Variants in EPHA6 observed in about 807,000 individuals in gnomAD.
EPHA6 encodes the protein ephrin type-A receptor 6.
Under a neutral mutation model 112.0 loss-of-function variants are expected in EPHA6, and 50 were observed. That is an observed-to-expected ratio of 0.45 (90% CI 0.36 to 0.56). The LOEUF is 0.56. Among genes scored for constraint, EPHA6 ranks in the 20% least tolerant of loss-of-function variants. The probability of loss-of-function intolerance (pLI) is 0.00; values close to 1 mark genes in which losing one functional copy is unlikely to be tolerated. For missense variants in EPHA6, 1,280 were observed against 1,417.4 expected (o/e 0.90, Z 1.56); for synonymous variants, 529 against 490.7 (o/e 1.08, Z -1.03).
intron 5 of EPHA6, among the ~76,000 whole-genome samples, chr3:97,275,924 G>A (rs1171133959): frequency 1.3e-5 from 2 of 152,082 alleles, no homozygotes; most frequent in African/African-American, 4.8e-5. Flanking sequence ...AGTCAGGGAA[G>A]CAGATAATTT....
At chr3:97,727,254 T>A (rs1020589568) in intron 15 of EPHA6, among the ~76,000 whole-genome samples, 4 of 152,094 alleles carry the variant, frequency 2.6e-5, no homozygotes, top group Non-Finnish European at 5.9e-5. Flanking sequence ...TTGCTTTAGA[T>A]TGCTTTCTGA....
chr3:97,372,474 T>C (rs1449037747), intron 5 of EPHA6, among the ~76,000 whole-genome samples: 3 of 152,150 alleles, frequency 2.0e-5, no homozygotes, highest in African/African-American at 7.2e-5. Flanking sequence ...GCTAAGGAGA[T>C]GTGGACAGAA....
At chr3:96,840,725 C>T (rs2034693953) in intron 1 of EPHA6, among the ~76,000 whole-genome samples, 1 of 151,952 alleles carries the variant, frequency 6.6e-6, no homozygotes, top group African/African-American at 2.4e-5. Flanking sequence ...TGATTACCGG[C>T]CGGTGTCTTG....
intron 1 of EPHA6, among the ~76,000 whole-genome samples, chr3:96,864,332 A>G (rs997816740): frequency 2.0e-5 from 3 of 152,108 alleles, no homozygotes; most frequent in Non-Finnish European, 2.9e-5. Flanking sequence ...ATGTCCATCA[A>G]CTAGGGAATT....
rs544029373 is a variant in EPHA6, at chr3:97,332,183, A to G, written c.1607-72967A>G. 7.5e-3 allele frequency among the ~76,000 whole-genome samples: 1,143 copies of G among 152,294 alleles called. 14 individuals carry two copies. Among genetic ancestry groups the G allele is most frequent in the African/African-American group, 0.026 (1,092 of 41,560 alleles). ...ACATGATTTTCTCAATAGATGCAGA[A>G]AAGGCCTTTGACAAAATTCAACAAC... On this transcript the variant is annotated intron_variant, in intron 5 of 17. Transcript: ENST00000389672.
intron 2 of EPHA6, among the ~76,000 whole-genome samples, chr3:96,937,926 G>A (rs1340657904): frequency 2.0e-5 from 3 of 152,166 alleles, no homozygotes; most frequent in East Asian, 1.9e-4. Flanking sequence ...GTAGATACGC[G>A]GCATTATTTC....
intron 2 of EPHA6, among the ~76,000 whole-genome samples, chr3:96,889,673 C>A (rs989565502): frequency 5.9e-5 from 9 of 152,096 alleles, no homozygotes; most frequent in African/African-American, 2.2e-4. Flanking sequence ...GACTCAGAGG[C>A]AAACAATATC....
At chr3:97,585,763 A>C (rs954952112) in intron 11 of EPHA6, among the ~76,000 whole-genome samples, 1 of 151,820 alleles carries the variant, frequency 6.6e-6, no homozygotes, top group African/African-American at 2.4e-5. Context: ...TAATGGACAA[A>C]GTTATGTGAT....
chr3:97,317,276 C>G (rs2081888887), intron 5 of EPHA6, among the ~76,000 whole-genome samples: 1 of 151,932 alleles, frequency 6.6e-6, no homozygotes, highest in Non-Finnish European at 1.5e-5. Flanking sequence ...CTGAAGATGA[C>G]TAGTATTGCA....
chr3:96,939,646 C>G (rs545101216), intron 2 of EPHA6, among the ~76,000 whole-genome samples: 1 of 152,286 alleles, frequency 6.6e-6, no homozygotes, highest in East Asian at 1.9e-4. Context: ...CTTGTGCTAG[C>G]TTTTGAATGT....
chr3:96,843,241 C>G (rs2034857569), intron 1 of EPHA6, among the ~76,000 whole-genome samples: 1 of 151,974 alleles, frequency 6.6e-6, no homozygotes, highest in Admixed American at 6.6e-5. Flanking sequence ...CAAGCTGTTA[C>G]TGTTACTTTA....
At chr3:96,996,294 G>T (rs1032013205) in intron 3 of EPHA6, among the ~76,000 whole-genome samples, 2 of 151,908 alleles carry the variant, frequency 1.3e-5, no homozygotes, top group African/African-American at 4.8e-5. Flanking sequence ...CATCCTTGAG[G>T]GTAGGTGTTA....
intron 3 of EPHA6, among the ~76,000 whole-genome samples, chr3:97,075,802 T>A (rs2046504935): frequency 6.6e-6 from 1 of 152,050 alleles, no homozygotes; most frequent in Non-Finnish European, 1.5e-5. Context: ...TTGGTGTAAT[T>A]CTTGTAGTGT....
rs1441453064 is a variant in EPHA6, at chr3:97,453,026, TAATAA to T, written c.1894+4303_1894+4307del. On this transcript the variant is annotated intron_variant, in intron 7 of 17. Transcript: ENST00000389672. ...AATTACACTTACACATTTTAAAAAGTAATAAAATAAAGATAAGGAAATAAAATTTT... is the reference window on the plus strand; with the variant it reads ...AATTACACTTACACATTTTAAAAAGTAATAAAGATAAGGAAATAAAATTTT... Among the ~76,000 whole-genome samples, 7 of 151,796 alleles carry T rather than the reference TAATAA, an allele frequency of 4.6e-5. No homozygotes were observed. The East Asian group carries it at 5.8e-4, about 13-fold the overall frequency.
intron 2 of EPHA6, among the ~76,000 whole-genome samples, chr3:96,938,536 C>A (rs1345513486): frequency 6.6e-6 from 1 of 152,172 alleles, no homozygotes; most frequent in Admixed American, 6.6e-5. Flanking sequence ...TCTAGATATA[C>A]AATCATGTCA....
intron 2 of EPHA6, among the ~76,000 whole-genome samples, chr3:96,930,262 G>T (rs2040243212): frequency 6.6e-6 from 1 of 152,128 alleles, no homozygotes; most frequent in Admixed American, 6.6e-5. Flanking sequence ...AGCCCTTACT[G>T]GAGAGGTGTT....
chr3:97,588,895 T>C (rs1031883249), intron 11 of EPHA6, among the ~76,000 whole-genome samples: 3 of 152,220 alleles, frequency 2.0e-5, no homozygotes, highest in Non-Finnish European at 4.4e-5. Context: ...TTTCAACTTT[T>C]ATTTTAGATT....
At chr3:97,297,298 A>G (rs1306567152) in intron 5 of EPHA6, among the ~76,000 whole-genome samples, 2 of 151,970 alleles carry the variant, frequency 1.3e-5, no homozygotes, top group African/African-American at 4.8e-5. Flanking sequence ...TTTCTATTCA[A>G]TTTCAGTGTT....
chr3:97,308,345 G>A (rs1279396652), intron 5 of EPHA6, among the ~76,000 whole-genome samples: 2 of 151,612 alleles, frequency 1.3e-5, no homozygotes, highest in African/African-American at 4.8e-5. Flanking sequence ...ACCTATAAAA[G>A]AAAGATTGGA....
Sources: gnomAD v4.1 joint callset for allele counts (sites outside exome capture counted in the v4.1 genomes callset) on GRCh38, gnomAD v4.1.1 for gene constraint, MANE v1.5 for transcripts, NCBI Gene and HGNC (gene_info 2026-07-23, HGNC 2026-07-21) for gene names.